The following P3H2 variants were observed in gnomAD, a reference collection of about 807,000 sequenced individuals.
P3H2 encodes the protein prolyl 3-hydroxylase 2.
In P3H2, 80 loss-of-function variants were observed where a neutral mutation model predicts 87.0. The ratio of observed to expected loss-of-function variants is 0.92; its 90% CI spans 0.77 to 1.11. The LOEUF (loss-of-function observed/expected upper bound fraction) is 1.11. Among genes scored for constraint, P3H2 ranks in the 50% least tolerant of loss-of-function variants. The pLI is 0.00. For synonymous variants in P3H2, 367 were observed against 359.3 expected (o/e 1.02, Z -0.24); for missense variants, 1,001 against 923.9 (o/e 1.08, Z -1.08).
chr3:189,974,851 A>G (rs1279668718), intron 8 of P3H2, among the ~76,000 whole-genome samples, 166 bp from the exon 9 acceptor site: 1 of 152,256 alleles, frequency 6.6e-6, no homozygotes, highest in African/African-American at 2.4e-5. Flanking sequence ...AACACAATAT[A>G]GATTCAGGAG....
chr3:189,961,767 T>A (rs73890122), intron 14 of P3H2, among the ~76,000 whole-genome samples: 2 of 152,202 alleles, frequency 1.3e-5, no homozygotes, highest in Admixed American at 6.5e-5. Context: ...GGTTTTCTAG[T>A]ACTTTTCCAT....
Position 189,995,422 on chromosome 3 carries a change from T to A in P3H2, c.501A>T (p.Ala167=), listed in dbSNP as rs767294908. 2.6e-5 allele frequency: 42 copies of A among 1,613,888 alleles called. No individual in the cohort carries two copies. The highest frequency in any genetic ancestry group is 3.6e-5 in the Non-Finnish European group (42 of 1,179,990). Residue 167 remains alanine, a synonymous_variant, in exon 2 of 15, where the codon GCA becomes GCT. Coordinates refer to ENST00000319332, the MANE Select transcript of P3H2 (RefSeq NM_018192.4). ...AYIKLNQLEK[A]VEAAHTFFVA... is the part of the protein sequence containing the mutation. ...CGAAAAATGTGTGAGCTGCTTCCAC[T>A]GCTTTTTCGAGCTGGTTAAGCTAAA...
chr3:190,066,143 G>GTGTGTGTATATA (rs58939026), intron 1 of P3H2, among the ~76,000 whole-genome samples: 1 of 138,766 alleles, frequency 7.2e-6, no homozygotes, highest in African/African-American at 2.9e-5. Flanking sequence ...ACTGTGGTGT[G>GTGTGTGTATATA]TATATATATA....
chr3:190,028,272 G>A (rs1272023193), intron 1 of P3H2, among the ~76,000 whole-genome samples: 4 of 152,136 alleles, frequency 2.6e-5, no homozygotes, highest in Non-Finnish European at 5.9e-5. Context: ...CTCAACTGGG[G>A]AATAATTTTT....
intron 8 of P3H2, among the ~76,000 whole-genome samples, chr3:189,976,296 G>A (rs990045169): frequency 4.6e-5 from 7 of 152,150 alleles, no homozygotes; most frequent in African/African-American, 1.4e-4. Context: ...ACCTGAGACT[G>A]GGAAATTATA....
chr3:190,048,117 TTCA>T (rs1236885354), intron 1 of P3H2, among the ~76,000 whole-genome samples: 5 of 152,184 alleles, frequency 3.3e-5, no homozygotes, highest in Non-Finnish European at 7.4e-5. Context: ...CACAACTATC[TTCA>T]TTTATTATTT....
At chr3:189,966,845 C>T (rs1163092368) in intron 13 of P3H2, among the ~76,000 whole-genome samples, 2 of 152,128 alleles carry the variant, frequency 1.3e-5, no homozygotes, top group Non-Finnish European at 2.9e-5. Flanking sequence ...TTTTGCTTTC[C>T]GTCTAACTGA....
At chr3:190,064,264 C>T (rs939363330) in intron 1 of P3H2, among the ~76,000 whole-genome samples, 2 of 151,768 alleles carry the variant, frequency 1.3e-5, no homozygotes, top group African/African-American at 2.4e-5. Flanking sequence ...TCTCCAACCT[C>T]GGCCTCCCAA....
chr3:190,001,210 G>A (rs1335539035), intron 1 of P3H2, among the ~76,000 whole-genome samples: 1 of 152,124 alleles, frequency 6.6e-6, no homozygotes, highest in Non-Finnish European at 1.5e-5. Context: ...CAAATATTTT[G>A]AATACGAAAT....
chr3:190,103,876 C>T (rs556313955), intron 1 of P3H2, among the ~76,000 whole-genome samples: 160 of 152,116 alleles, frequency 1.1e-3, no homozygotes, highest in African/African-American at 3.8e-3. Context: ...ACTGCAACCT[C>T]TGCCTCCCAG....
At chr3:189,969,281 T>C in intron 13 of P3H2, 2 of 885,488 alleles carry the variant, frequency 2.3e-6, no homozygotes, top group Middle Eastern at 2.2e-4. Flanking sequence ...ACTGTGGTCA[T>C]GTTGATAACA....
chr3:190,028,135 C>G (rs1725141122), intron 1 of P3H2, among the ~76,000 whole-genome samples: 1 of 152,072 alleles, frequency 6.6e-6, no homozygotes, highest in Non-Finnish European at 1.5e-5. Context: ...TGATAATTCT[C>G]ACAATTTCCA....
intron 1 of P3H2, among the ~76,000 whole-genome samples, chr3:189,995,668 C>T (rs1021615056): frequency 6.6e-6 from 1 of 150,678 alleles, no homozygotes; most frequent in African/African-American, 2.4e-5. Flanking sequence ...ATACAACCTA[C>T]AGAATGCAAG....
At chr3:189,963,693 C>T (rs530714691) in intron 14 of P3H2, 1 of 442,476 alleles carries the variant, frequency 2.3e-6, no homozygotes, top group African/African-American at 2.0e-5. Flanking sequence ...ATCTGCCCAC[C>T]TCGGCCTCCC....
intron 1 of P3H2, among the ~76,000 whole-genome samples, chr3:190,112,329 C>A (rs1389383272): frequency 6.6e-6 from 1 of 152,196 alleles, no homozygotes; most frequent in Non-Finnish European, 1.5e-5. Flanking sequence ...GGCAGACGGG[C>A]AGTGGCAGAA....
At chr3:190,037,919 A>AC (rs397773248) in intron 1 of P3H2, among the ~76,000 whole-genome samples, 1 of 5,940 alleles carries the variant, frequency 1.7e-4, no homozygotes. Context: ...TTATTTTTGT[A>AC]CAAAGCCACT....
intron 3 of P3H2, among the ~76,000 whole-genome samples, chr3:189,990,575 G>A (rs760243971): frequency 6.6e-6 from 1 of 152,012 alleles, no homozygotes; most frequent in Non-Finnish European, 1.5e-5. Context: ...TCATAGCAGA[G>A]CTAGTAATAA....
chr3:190,087,568 C>G (rs1361899172), intron 1 of P3H2, among the ~76,000 whole-genome samples: 1 of 144,308 alleles, frequency 6.9e-6, no homozygotes, highest in Non-Finnish European at 1.5e-5. Context: ...AAAAAACCAT[C>G]AAGAAAAGGC....
chr3:189,986,928 G>A lies in P3H2; in HGVS notation c.1099-51C>T, dbSNP rs765581427. Reference sequence around the variant, plus strand: ...CATTTTTTATTTAAATAGCAGGTAAGAGATATGATAAATGTTCAGGTGGCA... The same window carrying A: ...CATTTTTTATTTAAATAGCAGGTAAAAGATATGATAAATGTTCAGGTGGCA... On this transcript the variant is annotated intron_variant, in intron 5 of 14. Coordinates refer to ENST00000319332, the MANE Select transcript of P3H2 (RefSeq NM_018192.4). 17 of 1,194,278 alleles carry A rather than the reference G, an allele frequency of 1.4e-5. No homozygotes were observed. In the African/African-American group the frequency reaches 2.4e-4, roughly 17 times the overall value. The allele number at this position is 1,194,278 out of a possible 1,614,324, so 74.0% of individuals were successfully genotyped here. A position where few individuals can be genotyped will look rare whatever the true frequency, so the allele number is the denominator to read the frequency against.
Sources: allele counts gnomAD v4.1 joint callset (sites outside exome capture counted in the v4.1 genomes callset), GRCh38; gene constraint gnomAD v4.1.1; transcripts MANE v1.5; gene names NCBI Gene and HGNC (gene_info 2026-07-23, HGNC 2026-07-21).